Variants in SLC45A2 observed in about 807,000 individuals in gnomAD.
SLC45A2 encodes solute carrier family 45 member 2, also known as membrane-associated transporter protein.
Under a neutral mutation model 45.5 loss-of-function variants are expected in SLC45A2, and 36 were observed. That is an observed-to-expected ratio of 0.79 (90% CI 0.61 to 1.04). SLC45A2 has a LOEUF of 1.04. Among genes scored for constraint, SLC45A2 ranks in the 50% least tolerant of loss-of-function variants. The probability of loss-of-function intolerance (pLI) is 0.00; values close to 1 mark genes in which losing one functional copy is unlikely to be tolerated. For missense variants in SLC45A2, 719 were observed against 671.0 expected, an observed-to-expected ratio of 1.07 and a Z score of -0.79; for synonymous variants, 306 against 269.3, an observed-to-expected ratio of 1.14 and a Z score of -1.33.
At chr5:33,965,391 C>T (rs187254130) in intron 2 of SLC45A2, among the ~76,000 whole-genome samples, 1 of 152,232 alleles carries the variant, frequency 6.6e-6, no homozygotes, top group Admixed American at 6.5e-5. Context: ...TGGTTAGTTG[C>T]AATTTAACAT....
chr5:33,965,674 C>T (rs147476197), intron 2 of SLC45A2, among the ~76,000 whole-genome samples: 6 of 152,334 alleles, frequency 3.9e-5, no homozygotes, highest in East Asian at 1.9e-4. Flanking sequence ...CCACACTCTA[C>T]GACTGATTCA....
At chr5:33,948,112 G>T (rs1751992552) in intron 5 of SLC45A2, among the ~76,000 whole-genome samples, 1 of 152,184 alleles carries the variant, frequency 6.6e-6, no homozygotes, top group Non-Finnish European at 1.5e-5. Context: ...AGGATCAAGT[G>T]AGATGAAGTG....
At chr5:33,946,651 T>C (rs764422894) in intron 6 of SLC45A2, 65 of 1,014,652 alleles carry the variant, frequency 6.4e-5, no homozygotes, top group Non-Finnish European at 7.0e-5. Context: ...TTCTCACACA[T>C]GGGGTCTGAC....
chr5:33,967,021 C>T (rs904262546), intron 2 of SLC45A2, among the ~76,000 whole-genome samples: 6 of 152,160 alleles, frequency 3.9e-5, no homozygotes, highest in Non-Finnish European at 7.4e-5. Flanking sequence ...AAATAATCCA[C>T]GTCAAGCCCC....
intron 5 of SLC45A2, among the ~76,000 whole-genome samples, chr5:33,949,780 T>C (rs1203890711): frequency 6.6e-6 from 1 of 152,032 alleles, no homozygotes; most frequent in African/African-American, 2.4e-5. Flanking sequence ...AAAAATAATA[T>C]GCTTTAAAGT....
intron 5 of SLC45A2, among the ~76,000 whole-genome samples, chr5:33,949,974 G>C (rs1245867097): frequency 1.3e-5 from 2 of 151,936 alleles, no homozygotes; most frequent in African/African-American, 4.8e-5. Context: ...GATCACTTGA[G>C]CCCAGGAGAT....
At chr5:33,966,555 C>G (rs1752610819) in intron 2 of SLC45A2, among the ~76,000 whole-genome samples, 1 of 151,494 alleles carries the variant, frequency 6.6e-6, no homozygotes, top group South Asian at 2.1e-4. Flanking sequence ...ATTCTCCTGC[C>G]TCAGCCTCCC....
intron 2 of SLC45A2, among the ~76,000 whole-genome samples, chr5:33,969,290 A>T (rs1191050005): frequency 3.3e-5 from 5 of 151,922 alleles, no homozygotes; most frequent in Non-Finnish European, 5.9e-5. Flanking sequence ...AAAAAATTTT[A>T]AATTAAAATA....
In SLC45A2 at chr5:33,963,786, T is replaced by C; in HGVS notation, c.793A>G (p.Met265Val). 5 of 1,614,186 alleles carry C rather than the reference T, an allele frequency of 3.1e-6. No individual in the cohort carries two copies. Among genetic ancestry groups the C allele is most frequent in the Non-Finnish European group, 4.2e-6 (5 of 1,180,034 alleles). ...TTCTCGATAGAACCATACTCGTACA[T>C]TCCATCTGATGACAATGGAGGGTCC... ...PQDPPLSSDG[M>V]YEYGSIEKVK... Residue 265 changes from methionine to valine, a missense_variant, in exon 3 of 7, where the codon ATG (methionine) becomes GTG (valine). Coordinates refer to ENST00000296589, the MANE Select transcript of SLC45A2 (RefSeq NM_016180.5).
At chr5:33,966,431 T>A (rs933418364) in intron 2 of SLC45A2, among the ~76,000 whole-genome samples, 1 of 140,106 alleles carries the variant, frequency 7.1e-6, no homozygotes, top group African/African-American at 2.7e-5. Context: ...TACTTTCTTT[T>A]TTTTTTTTTT....
rs1252663712 is a variant in SLC45A2 at position 33,984,346 on chromosome 5, G to A, written c.238C>T (p.Leu80=). ...YSIVWFLSPI[L]GFLLQPVVGS... ...ACCACGGGCTGCAGCAGGAATCCCA[G>A]GATGGGGCTGAGGAACCACACAATG... Residue 80 remains leucine (L), a synonymous_variant, in exon 1 of 7, where the codon CTG becomes TTG. Transcript: ENST00000296589. The A allele has an allele frequency of 6.2e-7, 1 of 1,613,972 alleles. No individual in the cohort carries two copies. Among genetic ancestry groups the A allele is most frequent in the Non-Finnish European group, 8.5e-7 (1 of 1,180,012 alleles).
At chr5:33,950,824 A>G (rs903189539) in intron 5 of SLC45A2, among the ~76,000 whole-genome samples, 17 of 152,222 alleles carry the variant, frequency 1.1e-4, no homozygotes, top group African/African-American at 3.9e-4. Context: ...AATTAGGAGA[A>G]CTGCATACAT....
At chr5:33,959,608 A>G (rs1177564162) in intron 3 of SLC45A2, among the ~76,000 whole-genome samples, 1 of 152,098 alleles carries the variant, frequency 6.6e-6, no homozygotes, top group Non-Finnish European at 1.5e-5. Context: ...ACTCATCCTA[A>G]AATAGGAGCT....
chr5:33,948,415 C>G (rs1752000927), intron 5 of SLC45A2, among the ~76,000 whole-genome samples: 1 of 152,208 alleles, frequency 6.6e-6, no homozygotes, highest in African/African-American at 2.4e-5. Context: ...CCCCATTCTC[C>G]TGGAACACAA....
chr5:33,967,542 T>G (rs1399036797), intron 2 of SLC45A2, among the ~76,000 whole-genome samples: 1 of 152,162 alleles, frequency 6.6e-6, no homozygotes, highest in Non-Finnish European at 1.5e-5. Flanking sequence ...CTAACTAACT[T>G]CCTTTCTTGA....
intron 3 of SLC45A2, among the ~76,000 whole-genome samples, chr5:33,956,502 G>T (rs1404599489): frequency 6.6e-6 from 1 of 152,106 alleles, no homozygotes; most frequent in Non-Finnish European, 1.5e-5. Flanking sequence ...TTTCTGGAAG[G>T]CCAAAGATTG....
intron 2 of SLC45A2, among the ~76,000 whole-genome samples, chr5:33,979,414 G>A (rs1753012744): frequency 6.6e-6 from 1 of 152,188 alleles, no homozygotes; most frequent in African/African-American, 2.4e-5. Context: ...CATGTAGCAG[G>A]CTTCAGAGAG....
At chr5:33,973,798 C>T (rs1579556345) in intron 2 of SLC45A2, among the ~76,000 whole-genome samples, 1 of 141,882 alleles carries the variant, frequency 7.0e-6, no homozygotes, top group South Asian at 2.2e-4. Context: ...AAACATTTGG[C>T]GTTTCATCTC....
rs732740 is a variant in SLC45A2, at chr5:33,983,084, A to G, written c.386-672T>C. 2.1e-3 allele frequency among the ~76,000 whole-genome samples: 316 copies of G among 152,338 alleles called. 1 individual carries two copies. The highest frequency in any genetic ancestry group is 6.3e-3 in the Admixed American group (97 of 15,304). ...AATTGGTGGGCCTGAAGGGGGCCCG[A>G]GAAACTGCATCTCTAACGGTCTCTG... On this transcript the variant is annotated intron_variant, in intron 1 of 6. Coordinates refer to ENST00000296589, the MANE Select transcript of SLC45A2 (RefSeq NM_016180.5).
Sources: allele counts gnomAD v4.1 joint callset (sites outside exome capture counted in the v4.1 genomes callset), GRCh38; gene constraint gnomAD v4.1.1; transcripts MANE v1.5; gene names NCBI Gene and HGNC (gene_info 2026-07-23, HGNC 2026-07-21).